The following RASAL2 variants were observed in gnomAD, a reference collection of about 807,000 sequenced individuals.
The protein encoded by RASAL2 is RAS protein activator like 2.
Under a neutral mutation model 128.9 loss-of-function variants are expected in RASAL2, and 58 were observed. The observed-to-expected ratio is 0.45, with a 90% CI of 0.36 to 0.56. RASAL2 has a LOEUF of 0.56. RASAL2 is among the 20% of genes least tolerant of loss of function. RASAL2 has a pLI of 0.00. For missense variants in RASAL2, 1,360 were observed against 1,601.6 expected, an observed-to-expected ratio of 0.85 and a Z score of 2.57; for synonymous variants, 561 against 580.8, an observed-to-expected ratio of 0.97 and a Z score of 0.49.
chr1:178,139,472 A>C (rs2102326602), intron 1 of RASAL2, among the ~76,000 whole-genome samples: 1 of 152,200 alleles, frequency 6.6e-6, no homozygotes, highest in African/African-American at 2.4e-5. Flanking sequence ...TTTCAGAGTG[A>C]TAACAGTGTT....
At chr1:178,128,618 A>G (rs769358110) in intron 1 of RASAL2, among the ~76,000 whole-genome samples, 4 of 152,176 alleles carry the variant, frequency 2.6e-5, no homozygotes, top group African/African-American at 4.8e-5. Flanking sequence ...ATAAAGTCGT[A>G]TAACCATCAC....
At chr1:178,143,219 T>A (rs917475657) in intron 1 of RASAL2, among the ~76,000 whole-genome samples, 1 of 151,754 alleles carries the variant, frequency 6.6e-6, no homozygotes, top group Non-Finnish European at 1.5e-5. Context: ...TTGATAATTT[T>A]AACATAGATG....
Position 178,113,630 on chromosome 1 carries a change from A to G in RASAL2, c.202+18936A>G, listed in dbSNP as rs1308058658. On this transcript the variant is annotated intron_variant, in intron 1 of 17. Transcript: ENST00000367649. ...ACTCCTGGCCTCAAGCAATCCCCCA[A>G]CCTTCGCCTCCAAACGTGCTGGGAT... Among the ~76,000 whole-genome samples the G allele has an allele frequency of 8.7e-5, 13 of 150,008 alleles. 1 individual carries two copies. The highest frequency in any genetic ancestry group is 1.5e-5 in the Non-Finnish European group (1 of 67,750).
intron 1 of RASAL2, among the ~76,000 whole-genome samples, chr1:178,251,763 G>C (rs1665064499): frequency 6.6e-6 from 1 of 152,154 alleles, no homozygotes; most frequent in South Asian, 2.1e-4. Flanking sequence ...TTCTTCAGAT[G>C]CTTATCAGTC....
intron 3 of RASAL2, among the ~76,000 whole-genome samples, chr1:178,378,569 A>G (rs946894868): frequency 4.6e-5 from 7 of 152,162 alleles, no homozygotes; most frequent in Non-Finnish European, 1.0e-4. Flanking sequence ...AACAAATTTC[A>G]AAGTTATACG....
chr1:178,270,820 C>G (rs904209526), intron 1 of RASAL2, among the ~76,000 whole-genome samples: 1 of 151,872 alleles, frequency 6.6e-6, no homozygotes, highest in Admixed American at 6.6e-5. Context: ...TCGGGGGAAC[C>G]CTTTTGTTAG....
intron 3 of RASAL2, among the ~76,000 whole-genome samples, chr1:178,312,171 A>G (rs1301887116): frequency 1.3e-5 from 2 of 152,132 alleles, no homozygotes; most frequent in African/African-American, 4.8e-5. Flanking sequence ...TAATTTCAGG[A>G]AATTTCCCAC....
Position 178,424,634 on chromosome 1 carries a change from A to G in RASAL2, c.674+4014A>G, listed in dbSNP as rs576805295. Among the ~76,000 whole-genome samples the G allele has an allele frequency of 7.4e-4, 113 of 151,916 alleles. 1 individual carries two copies. The highest frequency in any genetic ancestry group is 3.4e-3 in the Middle Eastern group (1 of 294). ...ACACTACCATCCCTGGCTTATTTTTATACTTTTTGTAGAGATGGGATTTTG... is the reference window on the plus strand; with the variant it reads ...ACACTACCATCCCTGGCTTATTTTTGTACTTTTTGTAGAGATGGGATTTTG... On this transcript the variant is annotated intron_variant, in intron 5 of 17. Transcript: ENST00000367649.
chr1:178,161,812 G>C (rs1174897736), intron 1 of RASAL2, among the ~76,000 whole-genome samples: 1 of 151,888 alleles, frequency 6.6e-6, no homozygotes, highest in East Asian at 1.9e-4. Flanking sequence ...TGGCATCTCT[G>C]TGTATTTCCT....
intron 1 of RASAL2, among the ~76,000 whole-genome samples, chr1:178,202,357 A>G (rs560130497): frequency 1.3e-5 from 2 of 152,112 alleles, no homozygotes; most frequent in South Asian, 2.1e-4. Flanking sequence ...GTTCCCTATG[A>G]TCAGCTGACA....
chr1:178,353,543 C>A (rs930352311), intron 3 of RASAL2, among the ~76,000 whole-genome samples: 5 of 152,178 alleles, frequency 3.3e-5, no homozygotes, highest in Non-Finnish European at 7.3e-5. Flanking sequence ...CTAGGGAGTT[C>A]CAAATTTTCC....
chr1:178,370,603 A>G (rs12058152), intron 3 of RASAL2, among the ~76,000 whole-genome samples: 5,830 of 152,218 alleles, frequency 0.038, 364 homozygotes, highest in African/African-American at 0.13. Context: ...GTAATCGTCA[A>G]AATGGTTAAT....
At chr1:178,117,615 TTGTGAA>T (rs1461392003) in intron 1 of RASAL2, among the ~76,000 whole-genome samples, 10 of 152,058 alleles carry the variant, frequency 6.6e-5, no homozygotes, top group Non-Finnish European at 1.2e-4. Context: ...GACTTAATCC[TTGTGAA>T]TGGGATTAGT....
intron 1 of RASAL2, among the ~76,000 whole-genome samples, chr1:178,142,803 G>A (rs1035208565): frequency 4.6e-5 from 7 of 152,128 alleles, no homozygotes; most frequent in Non-Finnish European, 1.0e-4. Flanking sequence ...TCATGAATTA[G>A]TGCCTTTATT....
At chr1:178,374,692 TA>T (rs1413283179) in intron 3 of RASAL2, among the ~76,000 whole-genome samples, 1 of 152,168 alleles carries the variant, frequency 6.6e-6, no homozygotes, top group African/African-American at 2.4e-5. Flanking sequence ...CCTGACATTC[TA>T]TTATTCATTT....
intron 1 of RASAL2, among the ~76,000 whole-genome samples, chr1:178,115,929 G>A (rs1254356980): frequency 1.3e-5 from 2 of 152,132 alleles, no homozygotes; most frequent in African/African-American, 4.8e-5. Context: ...ATAGAGAGAT[G>A]TGTGAAGGGT....
intron 4 of RASAL2, among the ~76,000 whole-genome samples, chr1:178,400,268 C>T (rs1484062744): frequency 6.6e-6 from 1 of 152,132 alleles, no homozygotes; most frequent in Non-Finnish European, 1.5e-5. Context: ...GTCCTGAGTT[C>T]CATCTTTAAC....
chr1:178,143,894 A>G (rs1033495195), intron 1 of RASAL2, among the ~76,000 whole-genome samples: 1 of 152,144 alleles, frequency 6.6e-6, no homozygotes, highest in Non-Finnish European at 1.5e-5. Flanking sequence ...CATTGAACCT[A>G]TGATGAATGA....
chr1:178,142,633 G>A (rs1368794864), intron 1 of RASAL2, among the ~76,000 whole-genome samples: 3 of 152,096 alleles, frequency 2.0e-5, no homozygotes, highest in African/African-American at 7.2e-5. Context: ...TGAGTGTTTC[G>A]TTCATTTTCT....
Sources: allele counts gnomAD v4.1 joint callset (sites outside exome capture counted in the v4.1 genomes callset), GRCh38; gene constraint gnomAD v4.1.1; transcripts MANE v1.5; gene names NCBI Gene and HGNC (gene_info 2026-07-23, HGNC 2026-07-21).